The following LRP1B variants were observed in gnomAD, a reference collection of about 807,000 sequenced individuals.
LRP1B encodes low-density lipoprotein receptor-related protein 1B.
Under a neutral mutation model 556.6 loss-of-function variants are expected in LRP1B, and 217 were observed. That is an observed-to-expected ratio of 0.39 (90% CI 0.35 to 0.44). LRP1B has a LOEUF of 0.44. Among genes scored for constraint, LRP1B ranks in the 20% least tolerant of loss-of-function variants. The pLI, the probability that LRP1B is intolerant of heterozygous loss-of-function variation, is 1.00. For missense variants in LRP1B, 5,053 were observed against 5,620.8 expected (o/e 0.90, Z 3.23); for synonymous variants, 2,047 against 1,865.8 (o/e 1.10, Z -2.50).
At chr2:141,626,779 A>G (rs370982758) in intron 2 of LRP1B, among the ~76,000 whole-genome samples, 150 of 152,310 alleles carry the variant, frequency 9.8e-4, no homozygotes, top group African/African-American at 3.4e-3. Context: ...AATGACCAAA[A>G]TCCAGAAGAT....
chr2:140,951,745 GT>G, intron 19 of LRP1B, 114 bp downstream of exon 19: 1 of 737,650 alleles, frequency 1.4e-6, no homozygotes, highest in Non-Finnish European at 2.3e-6. Context: ...TGTTTTAGCC[GT>G]TTTTCTTGGC....
intron 6 of LRP1B, among the ~76,000 whole-genome samples, chr2:141,223,234 C>T (rs1053712935): frequency 6.6e-6 from 1 of 152,066 alleles, no homozygotes; most frequent in Non-Finnish European, 1.5e-5. Context: ...GTTTCCTATA[C>T]ACCAACAATA....
At chr2:141,898,178 G>A (rs1191459902) in intron 1 of LRP1B, among the ~76,000 whole-genome samples, 1 of 151,988 alleles carries the variant, frequency 6.6e-6, no homozygotes, top group Non-Finnish European at 1.5e-5. Flanking sequence ...CTTTTGTCTG[G>A]TTCAAACAAA....
intron 7 of LRP1B, among the ~76,000 whole-genome samples, chr2:141,120,775 T>C (rs952886511): frequency 1.3e-5 from 2 of 152,030 alleles, no homozygotes; most frequent in African/African-American, 4.8e-5. Flanking sequence ...TGTTTTACTT[T>C]ACTCATTTAG....
chr2:141,563,524 G>C (rs1353003899), intron 2 of LRP1B, among the ~76,000 whole-genome samples: 1 of 151,880 alleles, frequency 6.6e-6, no homozygotes, highest in Non-Finnish European at 1.5e-5. Context: ...AGTAAGGAGA[G>C]GATAAAAGAA....
chr2:141,502,051 A>G (rs1378197347), intron 2 of LRP1B, among the ~76,000 whole-genome samples: 1 of 152,186 alleles, frequency 6.6e-6, no homozygotes, highest in South Asian at 2.1e-4. Flanking sequence ...ATACTTTTAA[A>G]TATCTGAACA....
intron 41 of LRP1B, among the ~76,000 whole-genome samples, chr2:140,647,129 T>A (rs908039307): frequency 6.6e-5 from 10 of 152,150 alleles, no homozygotes; most frequent in Non-Finnish European, 1.3e-4. Flanking sequence ...AAGTAATAAA[T>A]CAAAACATAC....
At chr2:141,921,520 G>T (rs1700183637) in intron 1 of LRP1B, among the ~76,000 whole-genome samples, 1 of 151,830 alleles carries the variant, frequency 6.6e-6, no homozygotes, top group African/African-American at 2.4e-5. Context: ...CAATCTCTAT[G>T]GAATGTTCTA....
intron 3 of LRP1B, among the ~76,000 whole-genome samples, chr2:141,478,392 C>T (rs1682790842): frequency 6.6e-6 from 1 of 152,034 alleles, no homozygotes; most frequent in Non-Finnish European, 1.5e-5. Flanking sequence ...AACAATATAA[C>T]AAAAAGCCTG....
At chr2:141,888,585 G>A (rs1247534255) in intron 1 of LRP1B, among the ~76,000 whole-genome samples, 1 of 152,066 alleles carries the variant, frequency 6.6e-6, no homozygotes, top group Non-Finnish European at 1.5e-5. Context: ...GATAATAGGG[G>A]AAAATATGGA....
intron 2 of LRP1B, among the ~76,000 whole-genome samples, chr2:141,683,259 C>T (rs1275922424): frequency 6.6e-6 from 1 of 152,042 alleles, no homozygotes. Flanking sequence ...TTAAAAGCCT[C>T]CATTTCTTTG....
At chr2:141,911,475 A>C (rs892621181) in intron 1 of LRP1B, among the ~76,000 whole-genome samples, 1 of 152,184 alleles carries the variant, frequency 6.6e-6, no homozygotes, top group African/African-American at 2.4e-5. Flanking sequence ...GTTAAGCTCA[A>C]AACCCAGCCA....
chr2:142,127,655 C>T (rs191285097), intron 1 of LRP1B, among the ~76,000 whole-genome samples: 216 of 152,048 alleles, frequency 1.4e-3, no homozygotes, highest in Non-Finnish European at 2.7e-3. Flanking sequence ...TATGAAGAGA[C>T]ATAAATCGCA....
At chr2:140,672,702 G>T (rs983881667) in intron 41 of LRP1B, among the ~76,000 whole-genome samples, 4 of 152,052 alleles carry the variant, frequency 2.6e-5, no homozygotes, top group African/African-American at 9.7e-5. Flanking sequence ...AAATTTGGGA[G>T]TCTTACAGTC....
intron 41 of LRP1B, among the ~76,000 whole-genome samples, chr2:140,622,985 A>T (rs1002594630): frequency 1.3e-5 from 2 of 152,240 alleles, no homozygotes; most frequent in African/African-American, 4.8e-5. Flanking sequence ...GCAAGTCAGA[A>T]ATGGAGAAAT....
intron 3 of LRP1B, among the ~76,000 whole-genome samples, chr2:141,333,434 T>C (rs1687733165): frequency 6.6e-6 from 1 of 152,200 alleles, no homozygotes; most frequent in South Asian, 2.1e-4. Flanking sequence ...AGCCAATAGA[T>C]GCATCTTTCA....
chr2:141,941,432 T>C (rs941068209), intron 1 of LRP1B, among the ~76,000 whole-genome samples: 2 of 152,200 alleles, frequency 1.3e-5, no homozygotes, highest in African/African-American at 4.8e-5. Flanking sequence ...AATACTGTAA[T>C]AGATGCTTAC....
chr2:140,665,072 T>A (rs1559041370), intron 41 of LRP1B, among the ~76,000 whole-genome samples: 1 of 152,160 alleles, frequency 6.6e-6, no homozygotes, highest in African/African-American at 2.4e-5. Context: ...AATCAAGACC[T>A]GATTAATCAT....
At chr2:140,312,616 T>G (rs1684353903) in intron 83 of LRP1B, among the ~76,000 whole-genome samples, 1 of 151,952 alleles carries the variant, frequency 6.6e-6, no homozygotes, top group Non-Finnish European at 1.5e-5. Flanking sequence ...TACTCTGATT[T>G]CAATTATTTT....
Sources: gnomAD v4.1 joint callset for allele counts (sites outside exome capture counted in the v4.1 genomes callset) on GRCh38, gnomAD v4.1.1 for gene constraint, MANE v1.5 for transcripts, NCBI Gene and HGNC (gene_info 2026-07-23, HGNC 2026-07-21) for gene names.